EDA2R: variants seen among roughly 807,000 people sequenced by gnomAD.
The protein encoded by EDA2R is tumor necrosis factor receptor superfamily member 27.
In EDA2R, 26 loss-of-function variants were observed where a neutral mutation model predicts 20.1. That is an observed-to-expected ratio of 1.30 (90% CI 0.95 to 1.80). The LOEUF is 1.80. Among genes scored for constraint, EDA2R ranks in the 40% most tolerant of loss-of-function variants. The pLI is 0.00. For missense variants in EDA2R, 277 were observed against 228.7 expected, an observed-to-expected ratio of 1.21 and a Z score of -1.36; for synonymous variants, 114 against 88.7, an observed-to-expected ratio of 1.29 and a Z score of -1.60.
At chrX:66,628,285 GA>G in intron 1 of EDA2R, among the ~76,000 whole-genome samples, 1 of 109,564 alleles carries the variant, frequency 9.1e-6, no homozygotes, top group East Asian at 2.9e-4. Context: ...AGAGAAACAA[GA>G]ACAAACCAAA....
intron 1 of EDA2R, among the ~76,000 whole-genome samples, chrX:66,631,808 G>T (rs922635568): frequency 3.6e-5 from 4 of 111,721 alleles, no homozygotes; most frequent in African/African-American, 1.3e-4. Context: ...GCCATGAGAA[G>T]CGTGAAAGGA....
chrX:66,620,008 T>C (rs1932334864), intron 1 of EDA2R, among the ~76,000 whole-genome samples: 1 of 111,550 alleles, frequency 9.0e-6, no homozygotes, highest in South Asian at 3.8e-4. Context: ...CCAGTCAATA[T>C]CGACTCCTCC....
At chrX:66,636,972 C>T (rs1934393073) in intron 1 of EDA2R, among the ~76,000 whole-genome samples, 1 of 110,458 alleles carries the variant, frequency 9.1e-6, no homozygotes, top group Non-Finnish European at 1.9e-5. Flanking sequence ...ACACACCCCA[C>T]ATACTTCTAA....
chrX:66,626,658 C>A (rs1342285349), intron 1 of EDA2R, among the ~76,000 whole-genome samples: 2 of 109,559 alleles, frequency 1.8e-5, no homozygotes, highest in East Asian at 5.7e-4. Context: ...ATACAAGAAG[C>A]ACAAAGAACA....
In EDA2R at chrX:66,600,564, C is replaced by T. The variant is rs753817902; in HGVS notation, c.518-704G>A. 8.0e-5 allele frequency among the ~76,000 whole-genome samples: 9 copies of T among 111,909 alleles called. No individual in the cohort carries two copies. The South Asian group carries it at 1.5e-3, about 19-fold the overall frequency. On this transcript the variant is annotated intron_variant, in intron 5 of 6. Transcript: ENST00000374719. ...GACTCCAGAAAGAAACACAGCCCTGCCAATATCTTAATTTTGGCATTGTGA... is the reference window on the plus strand; with the variant it reads ...GACTCCAGAAAGAAACACAGCCCTGTCAATATCTTAATTTTGGCATTGTGA...
At chrX:66,638,371 T>G (rs1203754994) in intron 1 of EDA2R, among the ~76,000 whole-genome samples, 1 of 112,069 alleles carries the variant, frequency 8.9e-6, no homozygotes, top group Non-Finnish European at 1.9e-5. Flanking sequence ...TTTCCTAGCC[T>G]GGTCTCTGGC....
chrX:66,603,406 C>A (rs185906386), intron 4 of EDA2R, among the ~76,000 whole-genome samples: 1 of 111,404 alleles, frequency 9.0e-6, no homozygotes, highest in East Asian at 2.8e-4. Flanking sequence ...TTCCCTTACA[C>A]CCTTGCAGTA....
At chrX:66,636,674 C>T (rs1175916173) in intron 1 of EDA2R, among the ~76,000 whole-genome samples, 1 of 109,889 alleles carries the variant, frequency 9.1e-6, no homozygotes, top group Non-Finnish European at 1.9e-5. Context: ...AATGTGGAAT[C>T]CATTAGGGTA....
At position 66,602,632 on chromosome X, in the gene EDA2R, C is replaced by A; in HGVS notation, c.517+1G>T. The A allele has an allele frequency of 8.4e-7, 1 of 1,192,807 alleles. No homozygotes were observed. Among genetic ancestry groups the A allele is most frequent in the East Asian group, 3.0e-5 (1 of 33,050 alleles). On this transcript the variant is annotated splice_donor_variant, in intron 5 of 6. Transcript: ENST00000374719. LOFTEE classifies it high-confidence loss of function. ...GTGAAACATGAAACAGCCACCCTTA[C>A]CACGCTGGCAATGTCTGTTGAAGAA...
In EDA2R at chrX:66,599,382, A is replaced by G. The variant is rs770536999; in HGVS notation, c.*10+92T>C. 17 of 996,700 alleles carry G rather than the reference A, an allele frequency of 1.7e-5. No individual in the cohort carries two copies. The African/African-American group carries it at 2.9e-4, about 17-fold the overall frequency. 82.1% of individuals were successfully genotyped at this position (996,700 alleles called of 1,213,427 possible). A position where few individuals can be genotyped will look rare whatever the true frequency, so the allele number is the denominator to read the frequency against. ...GCTGCTGTTCCTCCACTCCTAGTGA[A>G]TAATACTATTCCAAAAGAGAATTCC... On this transcript the variant is annotated intron_variant, in intron 6 of 6. Transcript: ENST00000374719.
At chrX:66,615,149 A>G (rs1931449086) in intron 2 of EDA2R, among the ~76,000 whole-genome samples, 1 of 112,172 alleles carries the variant, frequency 8.9e-6, no homozygotes, top group Non-Finnish European at 1.9e-5. Flanking sequence ...TAATAATAGA[A>G]GGTAAGGTCC....
chrX:66,615,362 G>A (rs1034393720), intron 2 of EDA2R, among the ~76,000 whole-genome samples: 4 of 111,883 alleles, frequency 3.6e-5, no homozygotes, highest in African/African-American at 1.3e-4. Context: ...CCACCCCCAA[G>A]TTCAGGGACC....
intron 2 of EDA2R, among the ~76,000 whole-genome samples, chrX:66,607,236 G>A (rs756286880): frequency 8.9e-6 from 1 of 112,174 alleles, no homozygotes; most frequent in East Asian, 2.8e-4. Context: ...AAATGTGAGA[G>A]TAATGTGTGA....
intron 1 of EDA2R, among the ~76,000 whole-genome samples, chrX:66,636,265 C>T (rs1934311316): frequency 9.0e-6 from 1 of 111,567 alleles, no homozygotes; most frequent in Non-Finnish European, 1.9e-5. Flanking sequence ...CATCCTGTTC[C>T]TTTTGCAGTA....
At chrX:66,630,669 T>A (rs933385395) in intron 1 of EDA2R, among the ~76,000 whole-genome samples, 1 of 110,770 alleles carries the variant, frequency 9.0e-6, no homozygotes, top group South Asian at 3.8e-4. Context: ...AAAATGGCCA[T>A]AATCCAAAAA....
intron 4 of EDA2R, among the ~76,000 whole-genome samples, chrX:66,603,956 A>G (rs1321778062): frequency 8.9e-6 from 1 of 112,412 alleles, no homozygotes; most frequent in Non-Finnish European, 1.9e-5. Context: ...GTAAGTAAAT[A>G]GATGGTAGAC....
Position 66,605,044 on chromosome X carries a change from T to C in EDA2R, c.266+4A>G. On this transcript the variant is annotated splice_donor_region_variant and intron_variant, in intron 3 of 6. Transcript: ENST00000374719. The stretch of plus-strand genomic sequence containing the variant: ...ACAAGCTTGGTCTCATAAAGCAAGC[T>C]CACCTGGGCAAACAGTCCCCACAGA... 8.4e-7 allele frequency: 1 copy of C among 1,194,969 alleles called. No homozygotes were observed. Among genetic ancestry groups the C allele is most frequent in the South Asian group, 1.9e-5 (1 of 53,240 alleles).
In EDA2R at chrX:66,615,933, C is replaced by A; in HGVS notation, c.87+1G>T. The A allele has an allele frequency of 8.3e-7, 1 of 1,203,861 alleles. No individual in the cohort carries two copies. On this transcript the variant is annotated splice_donor_variant, in intron 2 of 6. Transcript: ENST00000374719. LOFTEE classifies it high-confidence loss of function. ...TAAGTGTACTGAATAGGATAACTTA[C>A]CTTGGATAGCTCCTGTCCAGGACCA...
At chrX:66,619,376 T>C (rs2147865336) in intron 1 of EDA2R, among the ~76,000 whole-genome samples, 1 of 112,274 alleles carries the variant, frequency 8.9e-6, no homozygotes, top group South Asian at 3.8e-4. Context: ...GTTTGGAAAC[T>C]TTTCCGAGAC....
Sources: allele counts gnomAD v4.1 joint callset (sites outside exome capture counted in the v4.1 genomes callset), GRCh38; gene constraint gnomAD v4.1.1; transcripts MANE v1.5; gene names NCBI Gene and HGNC (gene_info 2026-07-23, HGNC 2026-07-21).